The following GRM7 variants were observed in gnomAD, a reference collection of about 807,000 sequenced individuals.
The protein encoded by GRM7 is metabotropic glutamate receptor 7.
Under a neutral mutation model 84.5 loss-of-function variants are expected in GRM7, and 35 were observed. That is an observed-to-expected ratio of 0.41 (90% confidence interval 0.32 to 0.55). The LOEUF is 0.55. Ranked by LOEUF, GRM7 falls within the 20% of genes least tolerant of loss-of-function variation. GRM7 has a pLI of 0.19. For synonymous variants in GRM7, 487 were observed against 455.1 expected (o/e 1.07, Z -0.89); for missense variants, 1,003 against 1,194.6 (o/e 0.84, Z 2.36).
In GRM7 at chr3:7,189,228, TATATACACAC is replaced by T. The variant is rs1406862673; in HGVS notation, c.736+42570_736+42579del. Among the ~76,000 whole-genome samples the T allele has an allele frequency of 2.0e-5, 3 of 152,170 alleles. No individual in the cohort carries two copies. The East Asian group carries it at 5.8e-4, about 29-fold the overall frequency. Reference sequence around the variant, plus strand: ...GTATATGCATACATATATGCATATGTATATACACACATATACACATATATCACGCACACAC... The same window carrying T: ...GTATATGCATACATATATGCATATGTATATACACATATATCACGCACACAC... On this transcript the variant is annotated intron_variant, in intron 2 of 9. Transcript: ENST00000357716.
At chr3:6,905,027 A>G (rs1429470107) in intron 1 of GRM7, among the ~76,000 whole-genome samples, 1 of 152,056 alleles carries the variant, frequency 6.6e-6, no homozygotes, top group African/African-American at 2.4e-5. Flanking sequence ...CTCCTAATAT[A>G]TCTTAATATC....
intron 1 of GRM7, among the ~76,000 whole-genome samples, chr3:6,886,661 G>A (rs1039113990): frequency 3.3e-5 from 5 of 151,714 alleles, no homozygotes; most frequent in Admixed American, 6.6e-5. Context: ...CTGATATATA[G>A]AATATTTGTT....
intron 7 of GRM7, among the ~76,000 whole-genome samples, chr3:7,533,774 A>G (rs1402539390): frequency 6.6e-6 from 1 of 152,230 alleles, no homozygotes; most frequent in Non-Finnish European, 1.5e-5. Flanking sequence ...CACTGGTAAG[A>G]GATAATGCCA....
intron 1 of GRM7, among the ~76,000 whole-genome samples, chr3:6,967,013 T>C (rs1197195372): frequency 6.6e-6 from 1 of 152,136 alleles, no homozygotes; most frequent in Non-Finnish European, 1.5e-5. Context: ...TATGTGACTC[T>C]ATTATAGCAC....
intron 1 of GRM7, among the ~76,000 whole-genome samples, chr3:6,914,812 TG>T (rs763348929): frequency 1.3e-5 from 2 of 152,192 alleles, no homozygotes; most frequent in Non-Finnish European, 2.9e-5. Context: ...ATTTAGTGGA[TG>T]TTCAATAAAG....
At chr3:7,271,525 C>T (rs1318081608) in intron 2 of GRM7, among the ~76,000 whole-genome samples, 2 of 140,726 alleles carry the variant, frequency 1.4e-5, no homozygotes, top group African/African-American at 5.3e-5. Flanking sequence ...CGTCATTGCA[C>T]TCCAGCCTGG....
At chr3:7,328,824 C>T (rs12634762) in intron 4 of GRM7, among the ~76,000 whole-genome samples, 10,828 of 151,906 alleles carry the variant, frequency 0.071, 1,201 homozygotes, top group African/African-American at 0.23. Context: ...CTGTGGTGCC[C>T]AGGGCCGAGT....
At chr3:6,950,771 C>T (rs1356027415) in intron 1 of GRM7, among the ~76,000 whole-genome samples, 2 of 152,244 alleles carry the variant, frequency 1.3e-5, no homozygotes, top group Non-Finnish European at 2.9e-5. Context: ...GCCCCTCCCC[C>T]AGCCTTGCTG....
rs1348066133 is a variant in GRM7 at position 7,151,497 on chromosome 3, C to T, written c.736+4829C>T. Among the ~76,000 whole-genome samples the T allele has an allele frequency of 2.0e-5, 3 of 152,122 alleles. No homozygotes were observed. Among genetic ancestry groups the T allele is most frequent in the African/African-American group, 7.2e-5 (3 of 41,420 alleles). On this transcript the variant is annotated intron_variant, in intron 2 of 9. Transcript: ENST00000357716. The surrounding 1 kb of genome is among the most constrained non-coding windows in gnomAD (Gnocchi z 4.5). ...TATGGGATTTCAGAGCACTGTGTGC[C>T]TCTCTCCTTCACAGATACAATGTTC...
chr3:7,226,806 A>C (rs554650104), intron 2 of GRM7, among the ~76,000 whole-genome samples: 1 of 152,340 alleles, frequency 6.6e-6, no homozygotes, highest in Admixed American at 6.5e-5. Flanking sequence ...GTTACACTCC[A>C]TAGTCGGCTC....
chr3:7,323,449 T>G lies in GRM7; in HGVS notation c.1033+16797T>G, dbSNP rs74512521. ...GTAATGTGTATTTCTCACCATCTGG[T>G]GCACATCTGTCTTACTAAGGCATCT... On this transcript the variant is annotated intron_variant, in intron 4 of 9. Coordinates refer to ENST00000357716, the MANE Select transcript of GRM7 (RefSeq NM_000844.4). Among the ~76,000 whole-genome samples, 1,057 of 152,308 alleles carry G rather than the reference T, an allele frequency of 6.9e-3. 14 individuals are homozygous for G. The highest frequency in any genetic ancestry group is 0.024 in the African/African-American group (1,003 of 41,566).
At chr3:7,542,799 G>A (rs1186128422) in intron 7 of GRM7, among the ~76,000 whole-genome samples, 18 of 152,110 alleles carry the variant, frequency 1.2e-4, no homozygotes, top group Admixed American at 1.2e-3. Flanking sequence ...GCCTGCCTCG[G>A]CCTCCCAAAA....
intron 4 of GRM7, among the ~76,000 whole-genome samples, chr3:7,407,877 TG>T (rs1695750690): frequency 6.6e-6 from 1 of 152,322 alleles, no homozygotes; most frequent in Non-Finnish European, 1.5e-5. Context: ...TTAAATTTTT[TG>T]TTATTGTTCT....
At chr3:7,332,167 AG>A (rs1268303627) in intron 4 of GRM7, among the ~76,000 whole-genome samples, 3 of 152,202 alleles carry the variant, frequency 2.0e-5, no homozygotes, top group Non-Finnish European at 4.4e-5. Flanking sequence ...ACATCAGCCT[AG>A]CATCCCATGG....
chr3:7,369,104 G>C (rs1010101468), intron 4 of GRM7, among the ~76,000 whole-genome samples: 2 of 151,994 alleles, frequency 1.3e-5, no homozygotes, highest in African/African-American at 4.8e-5. Context: ...TGTCACCCTG[G>C]AGTATGGTGG....
intron 2 of GRM7, among the ~76,000 whole-genome samples, chr3:7,276,800 T>C (rs1334673819): frequency 8.9e-3 from 17 of 1,910 alleles, no homozygotes; most frequent in South Asian, 0.018. Context: ...CCTTCCTTCC[T>C]TCCTTTTTGG....
At chr3:6,949,890 G>A (rs1053181051) in intron 1 of GRM7, among the ~76,000 whole-genome samples, 15 of 152,204 alleles carry the variant, frequency 9.9e-5, no homozygotes, top group South Asian at 2.1e-4. Flanking sequence ...TTCTTGTGCC[G>A]TGCTTTTCAG....
chr3:7,483,151 G>A (rs139212272), intron 7 of GRM7, among the ~76,000 whole-genome samples: 19 of 152,214 alleles, frequency 1.2e-4, no homozygotes, highest in Non-Finnish European at 2.5e-4. Context: ...AAGTTGTATT[G>A]TAAATACTGA....
intron 1 of GRM7, among the ~76,000 whole-genome samples, chr3:7,073,785 C>A (rs1009427436): frequency 6.6e-6 from 1 of 152,044 alleles, no homozygotes; most frequent in Middle Eastern, 3.2e-3. Flanking sequence ...GAGTTTCTGA[C>A]CCTCATGTAC....
Sources: allele counts gnomAD v4.1 joint callset (sites outside exome capture counted in the v4.1 genomes callset), GRCh38; gene constraint gnomAD v4.1.1; non-coding constraint Gnocchi (gnomAD v3.1); transcripts MANE v1.5; gene names NCBI Gene and HGNC (gene_info 2026-07-23, HGNC 2026-07-21).